Variants in FLT1 observed in about 807,000 individuals in gnomAD.
FLT1 encodes the protein fms related receptor tyrosine kinase 1, also known as vascular endothelial growth factor receptor 1.
In FLT1, 49 loss-of-function variants were observed where a neutral mutation model predicts 156.3. The ratio of observed to expected loss-of-function variants is 0.31; its 90% CI spans 0.25 to 0.40. The LOEUF (loss-of-function observed/expected upper bound fraction) is 0.40. Among genes scored for constraint, FLT1 ranks in the 10% least tolerant of loss-of-function variants. The probability of loss-of-function intolerance (pLI) is 1.00; values close to 1 mark genes in which losing one functional copy is unlikely to be tolerated. For missense variants in FLT1, 1,322 were observed against 1,637.2 expected (o/e 0.81, Z 3.32); for synonymous variants, 594 against 583.8 (o/e 1.02, Z -0.25).
In FLT1 at chr13:28,430,307, T is replaced by C. The variant is rs563316710; in HGVS notation, c.989-140A>G. On this transcript the variant is annotated intron_variant, in intron 7 of 29. Coordinates refer to ENST00000282397, the MANE Select transcript of FLT1 (RefSeq NM_002019.4). The stretch of plus-strand genomic sequence containing the variant: ...GATAGAGCCTATCAATGAGCCCAAA[T>C]GTTGATCATGAATAGGATACTTTAA... 2.2e-5 allele frequency: 15 copies of C among 690,278 alleles called. No individual in the cohort carries two copies. In the South Asian group the frequency reaches 2.4e-4, roughly 11 times the overall value. The allele number at this position is 690,278 out of a possible 1,614,324, so 42.8% of individuals were successfully genotyped here. A position where few individuals can be genotyped will look rare whatever the true frequency, so the allele number is the denominator to read the frequency against.
chr13:28,322,785 C>G lies in FLT1; in HGVS notation c.2953+5G>C, dbSNP rs780850338. On this transcript the variant is annotated splice_donor_5th_base_variant and intron_variant, in intron 21 of 29. Coordinates refer to ENST00000282397, the MANE Select transcript of FLT1 (RefSeq NM_002019.4). The surrounding 1 kb of genome is among the most constrained non-coding windows in gnomAD (Gnocchi z 4.3). ...CGCGTAGGACAGGAAGGAATTAATA[C>G]CTACCCTCCTCTTCCTCAACATCAC... 5.6e-6 allele frequency: 9 copies of G among 1,612,828 alleles called. No homozygotes were observed. In the East Asian group the frequency reaches 1.8e-4, roughly 32 times the overall value.
intron 10 of FLT1, among the ~76,000 whole-genome samples, chr13:28,407,730 A>T (rs1875897178): frequency 6.6e-6 from 1 of 152,220 alleles, no homozygotes; most frequent in Non-Finnish European, 1.5e-5. Flanking sequence ...ACCAGGTATA[A>T]CCTTATAATA....
intron 22 of FLT1, 59 bp from the exon 23 acceptor site, chr13:28,321,644 A>G: frequency 6.4e-7 from 1 of 1,553,810 alleles, no homozygotes. Context: ...CTAATTTCCT[A>G]CACCTGTCAG....
intron 17 of FLT1, among the ~76,000 whole-genome samples, chr13:28,337,168 T>A (rs890499894): frequency 1.3e-5 from 2 of 151,698 alleles, no homozygotes; most frequent in African/African-American, 4.8e-5. Context: ...TTTTTTAAGA[T>A]TCTTTTTGTT....
intron 12 of FLT1, among the ~76,000 whole-genome samples, chr13:28,391,761 C>T (rs572126165): frequency 1.1e-4 from 16 of 152,322 alleles, no homozygotes; most frequent in African/African-American, 3.8e-4. Context: ...CCCATGAGCT[C>T]TTCCCCTCCG....
intron 3 of FLT1, 70 bp downstream of exon 3, chr13:28,466,833 T>A: frequency 9.2e-7 from 1 of 1,082,758 alleles, no homozygotes; most frequent in Non-Finnish European, 1.4e-6. Context: ...ACCTTTCCAA[T>A]GGATCAGGGT....
At chr13:28,376,193 T>A (rs1217659635) in intron 14 of FLT1, among the ~76,000 whole-genome samples, 1 of 152,184 alleles carries the variant, frequency 6.6e-6, no homozygotes, top group African/African-American at 2.4e-5. Flanking sequence ...GTCAGTGATA[T>A]AGTGTGACAG....
chr13:28,492,223 C>T (rs1401402397), intron 1 of FLT1, among the ~76,000 whole-genome samples: 1 of 152,138 alleles, frequency 6.6e-6, no homozygotes, highest in African/African-American at 2.4e-5. Context: ...ATATGGACTT[C>T]CTTCACAAAA....
chr13:28,475,077 A>G (rs17552833), intron 1 of FLT1, among the ~76,000 whole-genome samples: 10,927 of 152,216 alleles, frequency 0.072, 635 homozygotes, highest in Admixed American at 0.18. Flanking sequence ...CTGTAACATC[A>G]CTACCTAATA....
At chr13:28,332,672 T>C (rs1172376531) in intron 18 of FLT1, among the ~76,000 whole-genome samples, 1 of 152,196 alleles carries the variant, frequency 6.6e-6, no homozygotes, top group Non-Finnish European at 1.5e-5. Context: ...TTACTTACGC[T>C]GAGCAGCTGT....
rs771310455 is a variant in FLT1 at position 28,396,987 on chromosome 13, C to T, written c.1633G>A (p.Gly545Arg). ...CIASNKVGTV[G>R]RNISFYITDV... ...GTGATATAAAAGCTTATGTTTCTTCCCACAGTCCCAACTTTATTGGAAGCT... is the reference window on the plus strand; with the variant it reads ...GTGATATAAAAGCTTATGTTTCTTCTCACAGTCCCAACTTTATTGGAAGCT... The change falls in exon 12 of 30, where the codon GGA (glycine) becomes AGA (arginine). Residue 545 changes from glycine to arginine, a missense_variant. Around this residue, in one of 3 missense-constraint regions of FLT1, gnomAD observed 991 missense variants for 1,254.8 expected, o/e 0.79. Transcript: ENST00000282397. 1 of 1,610,758 alleles carries T rather than the reference C, an allele frequency of 6.2e-7. No individual in the cohort carries two copies. The highest frequency in any genetic ancestry group is 1.7e-5 in the Admixed American group (1 of 60,002).
intron 15 of FLT1, among the ~76,000 whole-genome samples, chr13:28,354,071 T>C (rs370101135): frequency 1.3e-4 from 20 of 152,306 alleles, no homozygotes; most frequent in East Asian, 5.8e-4. Flanking sequence ...AGGGTCCATA[T>C]GCATCTAACA....
At chr13:28,309,847 G>C (rs1327232974) in intron 27 of FLT1, among the ~76,000 whole-genome samples, 5 of 151,284 alleles carry the variant, frequency 3.3e-5, no homozygotes, top group Non-Finnish European at 5.9e-5. Context: ...GTTTCTTTGA[G>C]GCCTGTCACA....
intron 3 of FLT1, among the ~76,000 whole-genome samples, chr13:28,445,531 T>A (rs889838878): frequency 2.0e-5 from 3 of 151,428 alleles, no homozygotes; most frequent in African/African-American, 7.3e-5. Flanking sequence ...TATGAAGGAA[T>A]ATTATAATTA....
At chr13:28,397,404 T>C (rs1460537321) in intron 11 of FLT1, among the ~76,000 whole-genome samples, 2 of 152,154 alleles carry the variant, frequency 1.3e-5, no homozygotes, top group African/African-American at 4.8e-5. Flanking sequence ...CAGTTCCACA[T>C]CAATGAGAGG....
chr13:28,397,393 T>A (rs1346110696), intron 11 of FLT1, among the ~76,000 whole-genome samples: 1 of 152,112 alleles, frequency 6.6e-6, no homozygotes, highest in African/African-American at 2.4e-5. Context: ...TATGAGGTGG[T>A]CAGTTCCACA....
intron 10 of FLT1, among the ~76,000 whole-genome samples, chr13:28,412,330 T>TTCC (rs1876270972): frequency 1.1e-5 from 1 of 92,556 alleles, no homozygotes; most frequent in Admixed American, 1.1e-4. Context: ...TCTTTCTTTC[T>TTCC]TTTCTTTCTT....
chr13:28,430,955 A>G (rs1877641355), intron 7 of FLT1, among the ~76,000 whole-genome samples, 181 bp downstream of exon 7: 1 of 152,210 alleles, frequency 6.6e-6, no homozygotes, highest in Admixed American at 6.5e-5. Context: ...AAAGTATTAA[A>G]TGTAAAGAGT....
At chr13:28,460,234 C>T (rs1251231921) in intron 3 of FLT1, among the ~76,000 whole-genome samples, 2 of 152,228 alleles carry the variant, frequency 1.3e-5, no homozygotes, top group South Asian at 2.1e-4. Context: ...ATAGGGCTCC[C>T]CATTAGGGGC....
Sources: gnomAD v4.1 joint callset for allele counts (sites outside exome capture counted in the v4.1 genomes callset) on GRCh38, gnomAD v4.1.1 for gene constraint, gnomAD v4.1.1 regional missense constraint, Gnocchi (gnomAD v3.1) non-coding constraint, MANE v1.5 for transcripts, NCBI Gene and HGNC (gene_info 2026-07-23, HGNC 2026-07-21) for gene names.